Variants in ANKRD40CL observed in about 807,000 individuals in gnomAD.
ANKRD40CL encodes the protein ANKRD40 C-terminal like.
For synonymous variants in ANKRD40CL, 5 were observed against 2.3 expected (o/e 2.14, Z -1.04); for missense variants, 11 against 6.4 (o/e 1.71, Z -0.77).
At chr17:50,766,226 C>T (rs1971309824) in intron 2 of ANKRD40CL, among the ~76,000 whole-genome samples, 1 of 152,126 alleles carries the variant, frequency 6.6e-6, no homozygotes, top group Non-Finnish European at 1.5e-5. Flanking sequence ...GCTGTGGCTC[C>T]TTCTCAGGCA....
intron 3 of ANKRD40CL, 56 bp from the exon 4 acceptor site, chr17:50,761,562 C>T: frequency 2.5e-6 from 1 of 395,472 alleles, no homozygotes; most frequent in African/African-American, 2.1e-5. Flanking sequence ...TAATAGAAAA[C>T]CTTAATATTA....
In ANKRD40CL at chr17:50,766,986, A is replaced by T. The variant is rs1567890359; in HGVS notation, c.-73T>A. 1 of 702,378 alleles carries T rather than the reference A, an allele frequency of 1.4e-6. No individual in the cohort carries two copies. The highest frequency in any genetic ancestry group is 2.0e-5 in the Admixed American group (1 of 49,990). 43.5% of individuals were successfully genotyped at this position (702,378 alleles called of 1,614,324 possible). A position where few individuals can be genotyped will look rare whatever the true frequency, so the allele number is the denominator to read the frequency against. ...ACAAGCTCCCAACCAAATAAAAAGC[A>T]CTTTCTACAGCCTCAGCACATCTGT... On this transcript the variant is annotated 5_prime_UTR_variant, in exon 2 of 4. Coordinates refer to ENST00000450727, the MANE Select transcript of ANKRD40CL (RefSeq NM_001358683.3).
At position 50,763,249 on chromosome 17, in the gene ANKRD40CL, G is replaced by T. The variant is rs79823440; in HGVS notation, c.201+148C>A. On this transcript the variant is annotated intron_variant, in intron 3 of 3. Coordinates refer to ENST00000450727, the MANE Select transcript of ANKRD40CL (RefSeq NM_001358683.3). Reference sequence around the variant, plus strand: ...GATTAGATGTGCAAATCTTAAAAGCGCCAGATTGAAAATGACCTAGCTACC... The same window carrying T: ...GATTAGATGTGCAAATCTTAAAAGCTCCAGATTGAAAATGACCTAGCTACC... 1,142 of 397,102 alleles carry T rather than the reference G, an allele frequency of 2.9e-3. 20 individuals are homozygous for T. Among genetic ancestry groups the T allele is most frequent in the African/African-American group, 0.022 (1,086 of 48,696 alleles). 24.6% of individuals were successfully genotyped at this position (397,102 alleles called of 1,614,324 possible).
intron 3 of ANKRD40CL, among the ~76,000 whole-genome samples, chr17:50,762,649 CT>C (rs1971221253): frequency 6.6e-6 from 1 of 152,028 alleles, no homozygotes; most frequent in South Asian, 2.1e-4. Context: ...ATAAGATTTC[CT>C]TTCCAAAATT....
chr17:50,762,375 G>A (rs1971215614), intron 3 of ANKRD40CL, among the ~76,000 whole-genome samples: 1 of 152,028 alleles, frequency 6.6e-6, no homozygotes, highest in Non-Finnish European at 1.5e-5. Flanking sequence ...TGAGGCCAGG[G>A]GGTTGAGAAC....
intron 1 of ANKRD40CL, chr17:50,767,220 G>C: frequency 1.7e-6 from 1 of 588,716 alleles, no homozygotes; most frequent in South Asian, 1.5e-5. Flanking sequence ...ACTCACCCGA[G>C]GGAATGGTGC....
rs1971243584 is a variant in ANKRD40CL at position 50,763,574 on chromosome 17, T to TA, written c.41-18dup. ...GAATTCTGACTTTAAACACAAGCTC[T>TA]AAATCACCCATAAATTCAAATACAG... is the stretch of plus-strand genomic sequence containing the variant. On this transcript the variant is annotated splice_polypyrimidine_tract_variant and intron_variant, in intron 2 of 3. Transcript: ENST00000450727. 1.0e-5 allele frequency: 4 copies of TA among 399,048 alleles called. No individual in the cohort carries two copies. In the East Asian group the frequency reaches 1.4e-4, roughly 14 times the overall value. 24.7% of individuals were successfully genotyped at this position (399,048 alleles called of 1,614,324 possible).
At chr17:50,767,220 G>A (rs1464418283) in intron 1 of ANKRD40CL, 1 of 588,598 alleles carries the variant, frequency 1.7e-6, no homozygotes. Context: ...ACTCACCCGA[G>A]GGAATGGTGC....
At chr17:50,766,542 T>C (rs1971319797) in intron 2 of ANKRD40CL, 3 of 289,952 alleles carry the variant, frequency 1.0e-5, no homozygotes, top group Non-Finnish European at 1.9e-5. Context: ...TTGGGCAAGT[T>C]ACATAACCTC....
At chr17:50,761,998 A>G (rs567201756) in intron 3 of ANKRD40CL, among the ~76,000 whole-genome samples, 2 of 151,978 alleles carry the variant, frequency 1.3e-5, no homozygotes, top group East Asian at 1.9e-4. Context: ...GCAGTGGCAC[A>G]GTCACAGCTC....
At chr17:50,765,447 C>CCCAAAAG (rs1269053743) in intron 2 of ANKRD40CL, among the ~76,000 whole-genome samples, 1 of 152,150 alleles carries the variant, frequency 6.6e-6, no homozygotes, top group Non-Finnish European at 1.5e-5. Flanking sequence ...CCTCACTGTC[C>CCCAAAAG]CCAAAAGAAT....
chr17:50,765,401 G>A (rs1201661413), intron 2 of ANKRD40CL, among the ~76,000 whole-genome samples: 1 of 152,212 alleles, frequency 6.6e-6, no homozygotes, highest in Non-Finnish European at 1.5e-5. Context: ...GCAGAGAGCT[G>A]TCATAATCAG....
chr17:50,763,667 A>G, intron 2 of ANKRD40CL, 110 bp from the exon 3 acceptor site: 1 of 397,810 alleles, frequency 2.5e-6, no homozygotes. Context: ...ATAATCCTAA[A>G]AACTGAATGT....
intron 2 of ANKRD40CL, among the ~76,000 whole-genome samples, chr17:50,765,681 G>T (rs1971293851): frequency 6.6e-6 from 1 of 152,204 alleles, no homozygotes; most frequent in Non-Finnish European, 1.5e-5. Flanking sequence ...CCAGGGTATT[G>T]CGACCTCCCC....
intron 3 of ANKRD40CL, among the ~76,000 whole-genome samples, chr17:50,762,278 A>G (rs1971214317): frequency 6.6e-6 from 1 of 152,198 alleles, no homozygotes; most frequent in Admixed American, 6.5e-5. Flanking sequence ...GTTAGTTTAC[A>G]AAGAATATAC....
chr17:50,766,198 C>T (rs540748945), intron 2 of ANKRD40CL, among the ~76,000 whole-genome samples: 1 of 152,220 alleles, frequency 6.6e-6, no homozygotes, highest in East Asian at 1.9e-4. Flanking sequence ...CAATTCTGGG[C>T]CCTGGAGGTG....
Position 50,761,218 on chromosome 17 carries a change from T to A in ANKRD40CL, c.*145A>T. ...CCACCACACCTAGCTAATTTTTGTA[T>A]TTTTTTTAGTAGAGACTGGGTTTCA... On this transcript the variant is annotated 3_prime_UTR_variant, in exon 4 of 4. Transcript: ENST00000450727. 1 of 344,240 alleles carries A rather than the reference T, an allele frequency of 2.9e-6. No homozygotes were observed. Among genetic ancestry groups the A allele is most frequent in the Non-Finnish European group, 5.2e-6 (1 of 192,314 alleles). The allele number at this position is 344,240 out of a possible 1,614,324, so 21.3% of individuals were successfully genotyped here. A position where few individuals can be genotyped will look rare whatever the true frequency, so the allele number is the denominator to read the frequency against.
chr17:50,762,368 G>T (rs1971215494), intron 3 of ANKRD40CL, among the ~76,000 whole-genome samples: 1 of 152,132 alleles, frequency 6.6e-6, no homozygotes, highest in African/African-American at 2.4e-5. Flanking sequence ...AGGAGGATGA[G>T]GCCAGGGGGT....
At position 50,763,528 on chromosome 17, in the gene ANKRD40CL, A is replaced by G. The variant is rs1455839632; in HGVS notation, c.70T>C (p.Phe24Leu). 7 of 398,958 alleles carry G rather than the reference A, an allele frequency of 1.8e-5. No individual in the cohort carries two copies. The highest frequency in any genetic ancestry group is 3.1e-5 in the Non-Finnish European group (7 of 226,074). 24.7% of individuals were successfully genotyped at this position (398,958 alleles called of 1,614,324 possible). A position where few individuals can be genotyped will look rare whatever the true frequency, so the allele number is the denominator to read the frequency against. ...VRIQNPKEND[F>L]IEIELKRQEL... Reference sequence around the variant, plus strand: ...TGTCTCTTCAGTTCAATTTCAATGAAGTCATTTTCTTTGGGGTTCTGAATT... The same window carrying G: ...TGTCTCTTCAGTTCAATTTCAATGAGGTCATTTTCTTTGGGGTTCTGAATT... Residue 24 changes from phenylalanine to leucine, a missense_variant, in exon 3 of 4, where the codon TTC (phenylalanine) becomes CTC (leucine). Phe to Leu is a conservative substitution (Grantham distance 22). Coordinates refer to ENST00000450727, the MANE Select transcript of ANKRD40CL (RefSeq NM_001358683.3).
Sources: allele counts gnomAD v4.1 joint callset (sites outside exome capture counted in the v4.1 genomes callset), GRCh38; gene constraint gnomAD v4.1.1; transcripts MANE v1.5; gene names NCBI Gene and HGNC (gene_info 2026-07-23, HGNC 2026-07-21).